MIDN: variants seen among roughly 807,000 people sequenced by gnomAD.
MIDN encodes midbrain nucleolar protein.
Under a neutral mutation model 46.1 loss-of-function variants are expected in MIDN, and 26 were observed. The observed-to-expected ratio is 0.56, with a 90% CI of 0.41 to 0.78. MIDN has a LOEUF of 0.78. MIDN is among the 30% of genes least tolerant of loss of function. MIDN has a pLI of 0.00. For synonymous variants in MIDN, 432 were observed against 343.3 expected (o/e 1.26, Z -2.86); for missense variants, 850 against 771.8 (o/e 1.10, Z -1.20).
At chr19:1,252,545 C>CTTT (rs564825213) in intron 4 of MIDN, among the ~76,000 whole-genome samples, 1 of 146,348 alleles carries the variant, frequency 6.8e-6, no homozygotes, top group South Asian at 2.1e-4. Context: ...TTGCTGCGGA[C>CTTT]TTTTTTTTTT....
At chr19:1,248,891 C>T (rs1042678165) in intron 1 of MIDN, among the ~76,000 whole-genome samples, 10 of 152,032 alleles carry the variant, frequency 6.6e-5, no homozygotes, top group African/African-American at 2.4e-4. Flanking sequence ...CGCGGGTGAC[C>T]TTGAACTGGT....
chr19:1,253,974 G>C lies in MIDN; in HGVS notation c.405G>C (p.Pro135=). 1.4e-6 allele frequency: 2 copies of C among 1,393,062 alleles called. No homozygotes were observed. The highest frequency in any genetic ancestry group is 1.8e-6 in the Non-Finnish European group (2 of 1,081,442). 86.3% of individuals were successfully genotyped at this position (1,393,062 alleles called of 1,614,324 possible). A position where few individuals can be genotyped will look rare whatever the true frequency, so the allele number is the denominator to read the frequency against. The change falls in exon 5 of 9, where the codon CCG becomes CCC. Residue 135 remains proline, a synonymous_variant. Transcript: ENST00000682408. ...CACAGCCCCCAGCGGCGCCCGGGCC[G>C]GGCCGGGCTGGCGGAGGAGGCTTCC... ...TETQPPAAPG[P]GRAGGGGFRK...
chr19:1,254,371 A>G lies in MIDN; in HGVS notation c.718A>G (p.Ser240Gly). 1 of 1,561,886 alleles carries G rather than the reference A, an allele frequency of 6.4e-7. No individual in the cohort carries two copies. Among genetic ancestry groups the G allele is most frequent in the Non-Finnish European group, 8.6e-7 (1 of 1,160,704 alleles). Residue 240 changes from serine to glycine, a missense_variant, in exon 6 of 9, where the codon AGT becomes GGT. Physicochemically the swap from Ser to Gly is moderately conservative, Grantham distance 56 (BLOSUM62 0). Coordinates refer to ENST00000682408, the MANE Select transcript of MIDN (RefSeq NM_001388306.1). ...PVSSPCRPVS[S>G]AARVPPVPTS... is the part of the protein sequence containing the mutation. The stretch of plus-strand genomic sequence containing the variant: ...GTCCTCGCCCTGCCGGCCGGTGTCC[A>G]GTGCCGCCCGAGTCCCCCCGGTGCC...
intron 2 of MIDN, chr19:1,251,145 C>T: frequency 6.3e-6 from 1 of 159,598 alleles, no homozygotes. Flanking sequence ...CCCGGCCCGG[C>T]GCAACCCCCA....
At position 1,258,641 on chromosome 19, in the gene MIDN, C is replaced by G. The variant is rs2145503679; in HGVS notation, c.*1369C>G. On this transcript the variant is annotated 3_prime_UTR_variant, in exon 9 of 9. Coordinates refer to ENST00000682408, the MANE Select transcript of MIDN (RefSeq NM_001388306.1). The stretch of plus-strand genomic sequence containing the variant: ...GGTGAACCCCAGGTCCTCAACTCCC[C>G]CCCTTTATGTGTTGAAAGTTAATGG... 1 of 152,230 alleles carries G rather than the reference C, an allele frequency of 6.6e-6. No homozygotes were observed. The allele number at this position is 152,230 out of a possible 1,614,324, so 9.4% of individuals were successfully genotyped here.
chr19:1,253,044 T>TGGGGGGGGGCGG (rs111898804), intron 4 of MIDN, among the ~76,000 whole-genome samples: 6 of 131,760 alleles, frequency 4.6e-5, no homozygotes, highest in South Asian at 2.5e-4. Flanking sequence ...TGGGGGGGGC[T>TGGGGGGGGGCGG]GGAGGGGGTG....
chr19:1,254,786 A>T, intron 6 of MIDN, 116 bp from the exon 7 acceptor site: 1 of 1,241,014 alleles, frequency 8.1e-7, no homozygotes, highest in Non-Finnish European at 1.1e-6. Flanking sequence ...TTATCTCTAA[A>T]CCCTGTGTTG....
In MIDN at chr19:1,257,162, G is replaced by C; in HGVS notation, c.1426G>C (p.Gly476Arg). 2 of 1,611,586 alleles carry C rather than the reference G, an allele frequency of 1.2e-6. No homozygotes were observed. The highest frequency in any genetic ancestry group is 2.2e-5 in the East Asian group (1 of 44,852). The change falls in exon 9 of 9, where the codon GGG becomes CGG. Residue 476 changes from glycine (G) to arginine (R), a missense_variant. Coordinates refer to ENST00000682408, the MANE Select transcript of MIDN (RefSeq NM_001388306.1). ...CGGCCGCAGCGACAGCAGTAGCAGC[G>C]GGGGCGGCGGCAGCCCCAGCGAGGC... ...KAGRSDSSSS[G>R]GGGSPSEASG...
rs374453159 is a variant in MIDN, at chr19:1,254,397, C to T, written c.744C>T (p.Pro248=). 384 of 1,562,840 alleles carry T rather than the reference C, an allele frequency of 2.5e-4. No individual in the cohort carries two copies. The highest frequency in any genetic ancestry group is 3.1e-4 in the Non-Finnish European group (357 of 1,161,194). The change falls in exon 6 of 9, where the codon CCC becomes CCT. Residue 248 remains proline (P), a synonymous_variant. Transcript: ENST00000682408. Reference sequence around the variant, plus strand: ...GTGCCGCCCGAGTCCCCCCGGTGCCCACCAGCCCGTCCCCTGCATCTCCCT... The same window carrying T: ...GTGCCGCCCGAGTCCCCCCGGTGCCTACCAGCCCGTCCCCTGCATCTCCCT... ...VSSAARVPPV[P]TSPSPASPSP...
At chr19:1,250,604 C>A in intron 2 of MIDN, 75 bp downstream of exon 2, 2 of 844,498 alleles carry the variant, frequency 2.4e-6, no homozygotes, top group Non-Finnish European at 3.0e-6. Flanking sequence ...GCGCGCCGCG[C>A]GGGGAAGGCA....
Position 1,257,365 on chromosome 19 carries a change from G to A in MIDN, c.*93G>A, listed in dbSNP as rs2081212765. The stretch of plus-strand genomic sequence containing the variant: ...GGAGAGAACGTGGCCCAGCCCTGGA[G>A]GGCAGGCGGCCACTCCCCCAGCCAG... On this transcript the variant is annotated 3_prime_UTR_variant, in exon 9 of 9. Transcript: ENST00000682408. The A allele has an allele frequency of 9.8e-7, 1 of 1,024,194 alleles. No homozygotes were observed. Among genetic ancestry groups the A allele is most frequent in the Non-Finnish European group, 1.5e-6 (1 of 681,046 alleles). The allele number at this position is 1,024,194 out of a possible 1,614,324, so 63.4% of individuals were successfully genotyped here.
chr19:1,255,856 G>C (rs1011974102), intron 8 of MIDN, among the ~76,000 whole-genome samples, 162 bp downstream of exon 8: 4 of 152,266 alleles, frequency 2.6e-5, no homozygotes, highest in Non-Finnish European at 5.9e-5. Flanking sequence ...AGAGAAGGCA[G>C]CATGTGTGTC....
chr19:1,252,292 C>G (rs895052810), intron 4 of MIDN, among the ~76,000 whole-genome samples: 4 of 152,140 alleles, frequency 2.6e-5, no homozygotes, highest in Non-Finnish European at 5.9e-5. Flanking sequence ...TTTTACATTT[C>G]TGCTGAGGGC....
Position 1,251,600 on chromosome 19 carries a change from G to T in MIDN, c.272G>T (p.Gly91Val), listed in dbSNP as rs778888633. The change falls in exon 3 of 9, where the codon GGT becomes GTT. Residue 91 changes from glycine to valine, a missense_variant. Transcript: ENST00000682408. ...GGGAAGCTGCAGGAGTTCGGCGTGG[G>T]TGATGGCAGCAAGCTGACCTTGGTA... ...SSGKLQEFGV[G>V]DGSKLTLVPT... The T allele has an allele frequency of 1.1e-5, 18 of 1,606,684 alleles. No individual in the cohort carries two copies. The highest frequency in any genetic ancestry group is 1.7e-5 in the Admixed American group (1 of 57,896).
Position 1,257,065 on chromosome 19 carries a change from G to A in MIDN, c.1329G>A (p.Gln443=). 1.2e-6 allele frequency: 2 copies of A among 1,612,414 alleles called. No individual in the cohort carries two copies. Among genetic ancestry groups the A allele is most frequent in the Non-Finnish European group, 1.7e-6 (2 of 1,179,936 alleles). The part of the protein sequence containing the change: ...CKVERLQLLL[Q]QKRLRRKARR... ...TGGAACGGCTGCAGCTGCTTCTGCAGCAGAAACGGCTCCGTAGAAAGGCCC... is the reference window on the plus strand; with the variant it reads ...TGGAACGGCTGCAGCTGCTTCTGCAACAGAAACGGCTCCGTAGAAAGGCCC... Residue 443 remains glutamine, a synonymous_variant, in exon 9 of 9, where the codon CAG becomes CAA. Transcript: ENST00000682408.
rs146446826 is a variant in MIDN at position 1,255,003 on chromosome 19, C to T, written c.927C>T (p.Gly309=). 9,305 of 1,613,290 alleles carry T rather than the reference C, an allele frequency of 5.8e-3. 41 individuals carry two copies. Among genetic ancestry groups the T allele is most frequent in the Middle Eastern group, 0.018 (111 of 6,056 alleles). Residue 309 remains glycine (G), a synonymous_variant, in exon 7 of 9, where the codon GGC becomes GGT. Coordinates refer to ENST00000682408, the MANE Select transcript of MIDN (RefSeq NM_001388306.1). ...ASPAPRSRKP[G]AVIESFVNHA... ...CTGCCCCCCGCTCCCGAAAACCCGG[C>T]GCCGTCATCGAGAGCTTTGTGAATC... is the stretch of plus-strand genomic sequence containing the variant.
At chr19:1,250,684 C>T (rs911052161) in intron 2 of MIDN, among the ~76,000 whole-genome samples, 155 bp downstream of exon 2, 4 of 150,932 alleles carry the variant, frequency 2.7e-5, no homozygotes, top group Middle Eastern at 3.4e-3. Flanking sequence ...CCTCGCCTGC[C>T]TCGGCCCCCT....
In MIDN at chr19:1,249,896, C is replaced by G. The variant is rs1315417031; in HGVS notation, c.-401C>G. On this transcript the variant is annotated 5_prime_UTR_variant, in exon 2 of 9. Coordinates refer to ENST00000682408, the MANE Select transcript of MIDN (RefSeq NM_001388306.1). The stretch of plus-strand genomic sequence containing the variant: ...TTGTTACTTTCACCCCCAGATCCTC[C>G]GAGCGGCGGCGACGGCTGTTGCTAA... 1 of 152,002 alleles carries G rather than the reference C, an allele frequency of 6.6e-6. No individual in the cohort carries two copies. Among genetic ancestry groups the G allele is most frequent in the Non-Finnish European group, 1.5e-5 (1 of 67,956 alleles). 9.4% of individuals were successfully genotyped at this position (152,002 alleles called of 1,614,324 possible).
Position 1,257,450 on chromosome 19 carries a change from C to T in MIDN, c.*178C>T, listed in dbSNP as rs555189815. 3.8e-5 allele frequency: 22 copies of T among 583,238 alleles called. No homozygotes were observed. The highest frequency in any genetic ancestry group is 6.1e-5 in the East Asian group (2 of 32,686). 36.1% of individuals were successfully genotyped at this position (583,238 alleles called of 1,614,324 possible). A position where few individuals can be genotyped will look rare whatever the true frequency, so the allele number is the denominator to read the frequency against. On this transcript the variant is annotated 3_prime_UTR_variant, in exon 9 of 9. Transcript: ENST00000682408. ...TTTTCTTTTTTTAAAAAGTTCTGACCGTGGTTTCCTGGACTCTTCATGGGC... is the reference window on the plus strand; with the variant it reads ...TTTTCTTTTTTTAAAAAGTTCTGACTGTGGTTTCCTGGACTCTTCATGGGC...
Sources: gnomAD v4.1 joint callset for allele counts (sites outside exome capture counted in the v4.1 genomes callset) on GRCh38, gnomAD v4.1.1 for gene constraint, MANE v1.5 for transcripts, NCBI Gene and HGNC (gene_info 2026-07-23, HGNC 2026-07-21) for gene names.